The following KCNK10 variants were observed in gnomAD, a reference collection of about 807,000 sequenced individuals.
The protein encoded by KCNK10 is potassium two pore domain channel subfamily K member 10.
A neutral mutation model predicts 47.7 loss-of-function variants in KCNK10; 25 were observed. That is an observed-to-expected ratio of 0.52 (90% confidence interval 0.38 to 0.73). The LOEUF (loss-of-function observed/expected upper bound fraction) is 0.73, where lower values mean the gene tolerates loss of function less well. Among genes scored for constraint, KCNK10 ranks in the 30% least tolerant of loss-of-function variants. KCNK10 has a pLI of 0.00. For missense variants in KCNK10, 563 were observed against 714.5 expected (o/e 0.79, Z 2.42); for synonymous variants, 303 against 285.6 (o/e 1.06, Z -0.61).
chr14:88,323,348 G>GC (rs1266278037), upstream of KCNK10: 11 of 948,402 alleles, frequency 1.2e-5, no homozygotes, highest in Non-Finnish European at 1.4e-5. Context: ...CCCCGGCGAC[G>GC]CCCCCCACTT....
chr14:88,235,147 C>T (rs534853613), intron 3 of KCNK10: 82 of 456,608 alleles, frequency 1.8e-4, no homozygotes, highest in Non-Finnish European at 2.9e-4. Context: ...TTTGCAGAAA[C>T]ACTCTGTCAC....
chr14:88,197,679 T>C (rs1463075861), intron 4 of KCNK10, among the ~76,000 whole-genome samples: 3 of 149,770 alleles, frequency 2.0e-5, no homozygotes, highest in African/African-American at 7.4e-5. Context: ...AAAAAACTGG[T>C]TGCTGTTAAC....
intron 4 of KCNK10, among the ~76,000 whole-genome samples, chr14:88,199,505 T>C (rs1309433932): frequency 6.6e-6 from 1 of 152,126 alleles, no homozygotes; most frequent in Non-Finnish European, 1.5e-5. Flanking sequence ...GACAAGAACC[T>C]GGAAAAGCAG....
At chr14:88,320,201 T>G (rs1036434585) in intron 1 of KCNK10, among the ~76,000 whole-genome samples, 1 of 152,232 alleles carries the variant, frequency 6.6e-6, no homozygotes, top group African/African-American at 2.4e-5. Context: ...AATAATTGTA[T>G]GAAACAATGT....
intron 4 of KCNK10, among the ~76,000 whole-genome samples, chr14:88,218,649 A>G (rs1314887056): frequency 1.3e-5 from 2 of 152,148 alleles, no homozygotes; most frequent in Admixed American, 1.3e-4. Flanking sequence ...AAAAAGAAGC[A>G]GGTACTTCCT....
chr14:88,223,876 A>G (rs1885900326), intron 4 of KCNK10, among the ~76,000 whole-genome samples: 1 of 151,974 alleles, frequency 6.6e-6, no homozygotes, highest in Non-Finnish European at 1.5e-5. Context: ...TGGTCTGTAC[A>G]CCCGGCTTAA....
intron 1 of KCNK10, among the ~76,000 whole-genome samples, chr14:88,276,304 C>T (rs1887526734): frequency 7.3e-6 from 1 of 137,334 alleles, no homozygotes; most frequent in Non-Finnish European, 1.5e-5. Flanking sequence ...AGTGAGGACA[C>T]AGCAGGAAGA....
At chr14:88,248,985 A>G (rs1223750980) in intron 2 of KCNK10, among the ~76,000 whole-genome samples, 2 of 152,216 alleles carry the variant, frequency 1.3e-5, no homozygotes, top group Non-Finnish European at 2.9e-5. Flanking sequence ...AGGAAGTGTC[A>G]GAGCTGAGAC....
chr14:88,325,997 C>A (rs1365141265), upstream of KCNK10, among the ~76,000 whole-genome samples: 1 of 152,050 alleles, frequency 6.6e-6, no homozygotes, highest in Non-Finnish European at 1.5e-5. Context: ...GGAGCAGGAT[C>A]AGTGTCTAGT....
intron 1 of KCNK10, among the ~76,000 whole-genome samples, chr14:88,282,247 C>T (rs111392294): frequency 0.065 from 9,830 of 152,242 alleles, 737 homozygotes; most frequent in African/African-American, 0.18. Flanking sequence ...TTGTAAATAA[C>T]TTGCCCAAGG....
At chr14:88,312,768 C>T (rs952101940) in intron 1 of KCNK10, among the ~76,000 whole-genome samples, 2 of 152,066 alleles carry the variant, frequency 1.3e-5, no homozygotes, top group East Asian at 1.9e-4. Flanking sequence ...GGTGCCCACA[C>T]AAGACAGGCA....
intron 4 of KCNK10, among the ~76,000 whole-genome samples, chr14:88,210,739 T>C (rs1251252584): frequency 6.7e-6 from 1 of 148,638 alleles, no homozygotes; most frequent in Non-Finnish European, 1.5e-5. Context: ...CCCAGAGTGA[T>C]AGAACAGCAG....
intron 4 of KCNK10, among the ~76,000 whole-genome samples, chr14:88,200,505 G>A (rs1885069096): frequency 6.6e-6 from 1 of 152,138 alleles, no homozygotes; most frequent in Non-Finnish European, 1.5e-5. Flanking sequence ...GGGAGAAAGG[G>A]ATATGCATGA....
rs189229774 is a variant in KCNK10 at position 88,274,434 on chromosome 14, C to T, written c.53-10883G>A. Among the ~76,000 whole-genome samples, 19 of 150,622 alleles carry T rather than the reference C, an allele frequency of 1.3e-4. No homozygotes were observed. The East Asian group carries it at 3.4e-3, about 27-fold the overall frequency. ...AAAATTAGCCAGGCATGGTGGCGCA[C>T]GCTGTAATTCCAGCTACTCAGGAGG... On this transcript the variant is annotated intron_variant, in intron 1 of 6. Transcript: ENST00000319231.
intron 1 of KCNK10, among the ~76,000 whole-genome samples, chr14:88,275,790 C>T (rs2139767257): frequency 6.6e-6 from 1 of 151,828 alleles, no homozygotes; most frequent in South Asian, 2.1e-4. Context: ...TGGCTTGAAC[C>T]TAGGAGGTGG....
chr14:88,240,723 C>T lies in KCNK10; in HGVS notation c.500G>A (p.Gly167Glu). The T allele has an allele frequency of 1.9e-6, 3 of 1,612,034 alleles. No homozygotes were observed. The highest frequency in any genetic ancestry group is 2.5e-6 in the Non-Finnish European group (3 of 1,178,216). ...WDLGSAFFFA[G>E]TVITTIGYGN... ...GGTACCTATGGTCGTAATGACAGTT[C>T]CAGCAAAGAAAAAGGCACTGCCGAG... The change falls in exon 3 of 7, where the codon GGA becomes GAA. Residue 167 changes from glycine (G) to glutamate (E), a missense_variant. Gly to Glu is a moderately conservative substitution (Grantham distance 98). Coordinates refer to ENST00000319231, the MANE Select transcript of KCNK10 (RefSeq NM_138317.3).
intron 3 of KCNK10, among the ~76,000 whole-genome samples, chr14:88,235,841 G>A (rs2096201655): frequency 6.6e-6 from 1 of 152,124 alleles, no homozygotes; most frequent in Non-Finnish European, 1.5e-5. Context: ...AAACTTTAAT[G>A]CAATAAAAGA....
At chr14:88,216,821 A>C (rs1595085937) in intron 4 of KCNK10, among the ~76,000 whole-genome samples, 1 of 152,204 alleles carries the variant, frequency 6.6e-6, no homozygotes, top group Non-Finnish European at 1.5e-5. Flanking sequence ...AAAAGGAAGA[A>C]AGCAATTGTT....
In KCNK10 at chr14:88,283,080, T is replaced by A. The variant is rs557369899; in HGVS notation, c.53-19529A>T. On this transcript the variant is annotated intron_variant, in intron 1 of 6. Transcript: ENST00000319231. The stretch of plus-strand genomic sequence containing the variant: ...TCATCACAAGTAAACAACTGCTGTA[T>A]GCATCTATTAAACTCCACTGTCTAC... Among the ~76,000 whole-genome samples the A allele has an allele frequency of 2.6e-5, 4 of 152,380 alleles. No homozygotes were observed. The South Asian group carries it at 8.3e-4, about 32-fold the overall frequency.
Sources: gnomAD v4.1 joint callset for allele counts (sites outside exome capture counted in the v4.1 genomes callset) on GRCh38, gnomAD v4.1.1 for gene constraint, MANE v1.5 for transcripts, NCBI Gene and HGNC (gene_info 2026-07-23, HGNC 2026-07-21) for gene names.